The following PREX2 variants were observed in gnomAD, a reference collection of about 807,000 sequenced individuals.
PREX2 encodes the protein phosphatidylinositol-3,4,5-trisphosphate dependent Rac exchange factor 2, also known as phosphatidylinositol 3,4,5-trisphosphate-dependent Rac exchanger 2 protein.
In PREX2, 107 loss-of-function variants were observed where a neutral mutation model predicts 203.2. The ratio of observed to expected loss-of-function variants is 0.53; its 90% CI spans 0.45 to 0.62. The LOEUF is 0.62. PREX2 is among the 20% of genes least tolerant of loss of function. The pLI, the probability that PREX2 is intolerant of heterozygous loss-of-function variation, is 0.00. For synonymous variants in PREX2, 672 were observed against 663.6 expected (o/e 1.01, Z -0.19); for missense variants, 1,777 against 1,955.9 (o/e 0.91, Z 1.72).
intron 12 of PREX2, 120 bp from the exon 13 acceptor site, chr8:68,069,715 G>T (rs1809136913): frequency 9.6e-6 from 5 of 519,278 alleles, no homozygotes; most frequent in South Asian, 3.5e-5. Context: ...TTTTTAAATT[G>T]GTTTAGATTT....
intron 35 of PREX2, among the ~76,000 whole-genome samples, chr8:68,159,616 T>A (rs1563569867): frequency 6.6e-6 from 1 of 152,174 alleles, no homozygotes; most frequent in East Asian, 1.9e-4. Context: ...AGAAACCTTA[T>A]AAAGGAATTG....
intron 11 of PREX2, among the ~76,000 whole-genome samples, chr8:68,063,853 T>G (rs1808937313): frequency 1.3e-5 from 2 of 152,172 alleles, no homozygotes. Flanking sequence ...ATAATTCTAT[T>G]AGAATGAAGA....
intron 39 of PREX2, among the ~76,000 whole-genome samples, chr8:68,227,596 C>A (rs12549887): frequency 0.26 from 39,869 of 152,046 alleles, 5,899 homozygotes; most frequent in South Asian, 0.46. Context: ...AAATCAATTT[C>A]GTTACCACAA....
At chr8:67,957,806 C>A (rs1158084834) in intron 1 of PREX2, among the ~76,000 whole-genome samples, 1 of 152,168 alleles carries the variant, frequency 6.6e-6, no homozygotes, top group Non-Finnish European at 1.5e-5. Context: ...TGTTTCCCTC[C>A]TCAGGAGTCA....
rs1207275744 is a variant in PREX2 at position 68,236,529 on chromosome 8, A to G, written c.*5151A>G. On this transcript the variant is annotated 3_prime_UTR_variant, in exon 40 of 40. Coordinates refer to ENST00000288368, the MANE Select transcript of PREX2 (RefSeq NM_024870.4). The stretch of plus-strand genomic sequence containing the variant: ...AATATCATATATACAAATATACTGT[A>G]TGTAGCCAAGAACACTAAATTGGTA... 6.6e-6 allele frequency: 1 copy of G among 152,176 alleles called. No individual in the cohort carries two copies. Among genetic ancestry groups the G allele is most frequent in the Non-Finnish European group, 1.5e-5 (1 of 68,016 alleles). The allele number at this position is 152,176 out of a possible 1,614,324, so 9.4% of individuals were successfully genotyped here. A position where few individuals can be genotyped will look rare whatever the true frequency, so the allele number is the denominator to read the frequency against.
Position 68,027,292 on chromosome 8 carries a change from A to C in PREX2, c.512A>C (p.Gln171Pro). 1 of 1,610,044 alleles carries C rather than the reference A, an allele frequency of 6.2e-7. No homozygotes were observed. The highest frequency in any genetic ancestry group is 2.2e-5 in the East Asian group (1 of 44,818). The change falls in exon 5 of 40, where the codon CAA becomes CCA. Residue 171 changes from glutamine to proline, a missense_variant. By Grantham distance (76) the Gln-to-Pro change is moderately conservative. Coordinates refer to ENST00000288368, the MANE Select transcript of PREX2 (RefSeq NM_024870.4). ...PLEGYLVTPI[Q>P]RICKYPLILK... is the part of the protein sequence containing the mutation. The stretch of plus-strand genomic sequence containing the variant: ...GAAGGATATTTAGTAACACCAATAC[A>C]AAGAATATGCAAGTACCCTCTTATT...
chr8:68,122,495 A>G (rs1037587459), intron 30 of PREX2, among the ~76,000 whole-genome samples: 8 of 152,096 alleles, frequency 5.3e-5, no homozygotes, highest in Non-Finnish European at 1.0e-4. Context: ...AAATTTAAGT[A>G]TATACTTTAC....
Position 68,215,367 on chromosome 8 carries a change from A to AT in PREX2, c.4605-2239dup, listed in dbSNP as rs200289098. On this transcript the variant is annotated intron_variant, in intron 37 of 39. Coordinates refer to ENST00000288368, the MANE Select transcript of PREX2 (RefSeq NM_024870.4). ...TCAGCATGATTAGAAACAGATAAAG[A>AT]TTTTTTTTTTCCTCCCCTTGGCTTC... Among the ~76,000 whole-genome samples the AT allele has an allele frequency of 6.5e-4, 98 of 150,504 alleles. No individual in the cohort carries two copies. The Middle Eastern group carries it at 0.014, about 21-fold the overall frequency.
intron 27 of PREX2, among the ~76,000 whole-genome samples, chr8:68,119,101 G>T (rs895694589): frequency 6.6e-6 from 1 of 152,152 alleles, no homozygotes; most frequent in Non-Finnish European, 1.5e-5. Context: ...TATCTTGTGT[G>T]TGTTAAGAAC....
Position 68,099,908 on chromosome 8 carries a change from A to T in PREX2, c.2715+65A>T, listed in dbSNP as rs1261265083. Reference sequence around the variant, plus strand: ...ATTATTATTTGAATGTCAAATTTAAATCAATTTTTGATATTTTCTTTACAT... The same window carrying T: ...ATTATTATTTGAATGTCAAATTTAATTCAATTTTTGATATTTTCTTTACAT... On this transcript the variant is annotated intron_variant, in intron 23 of 39. Coordinates refer to ENST00000288368, the MANE Select transcript of PREX2 (RefSeq NM_024870.4). The T allele has an allele frequency of 2.9e-6, 4 of 1,357,288 alleles. No individual in the cohort carries two copies. In the Admixed American group the frequency reaches 6.8e-5, roughly 23 times the overall value. 84.1% of individuals were successfully genotyped at this position (1,357,288 alleles called of 1,614,324 possible). A position where few individuals can be genotyped will look rare whatever the true frequency, so the allele number is the denominator to read the frequency against.
chr8:68,174,594 T>G (rs1255231815), intron 35 of PREX2, among the ~76,000 whole-genome samples: 1 of 152,190 alleles, frequency 6.6e-6, no homozygotes, highest in Admixed American at 6.6e-5. Flanking sequence ...ACTGAGGTCT[T>G]CCTACTCCCC....
intron 1 of PREX2, among the ~76,000 whole-genome samples, chr8:68,006,932 A>G (rs1006585382): frequency 2.5e-4 from 38 of 152,296 alleles, no homozygotes; most frequent in African/African-American, 7.7e-4. Context: ...TATTTTTTTG[A>G]TGGTTAATTT....
intron 35 of PREX2, among the ~76,000 whole-genome samples, chr8:68,182,770 G>T (rs1460831010): frequency 2.0e-5 from 3 of 151,886 alleles, no homozygotes; most frequent in African/African-American, 7.2e-5. Context: ...TTTAAAAAAT[G>T]GGTCTCTGCC....
chr8:68,118,381 A>G (rs1034123129), intron 26 of PREX2, among the ~76,000 whole-genome samples, 169 bp from the exon 27 acceptor site: 3 of 151,916 alleles, frequency 2.0e-5, no homozygotes, highest in Non-Finnish European at 4.4e-5. Flanking sequence ...GACAGAAAAT[A>G]TGCCGTCTTT....
chr8:67,985,267 G>A (rs1351822724), intron 1 of PREX2, among the ~76,000 whole-genome samples: 12 of 152,172 alleles, frequency 7.9e-5, no homozygotes, highest in Non-Finnish European at 7.3e-5. Flanking sequence ...TTAGAGGGAT[G>A]AGAATAAAGG....
intron 1 of PREX2, among the ~76,000 whole-genome samples, chr8:67,964,123 C>T (rs1282872855): frequency 6.6e-6 from 1 of 152,314 alleles, no homozygotes; most frequent in East Asian, 1.9e-4. Context: ...ATGGTTGAAG[C>T]TGACTTACCA....
intron 32 of PREX2, 138 bp downstream of exon 32, chr8:68,134,414 A>G (rs987285223): frequency 3.1e-5 from 21 of 667,130 alleles, no homozygotes; most frequent in Non-Finnish European, 4.6e-5. Flanking sequence ...TTAAAAATAT[A>G]CATTTTTCTG....
chr8:67,994,009 G>A (rs1806688337), intron 1 of PREX2, among the ~76,000 whole-genome samples: 1 of 152,152 alleles, frequency 6.6e-6, no homozygotes, highest in Non-Finnish European at 1.5e-5. Flanking sequence ...AATAATTGGA[G>A]CAACTATAGG....
intron 35 of PREX2, among the ~76,000 whole-genome samples, chr8:68,173,014 C>A (rs991976486): frequency 1.2e-4 from 18 of 152,148 alleles, no homozygotes; most frequent in African/African-American, 4.3e-4. Context: ...TTCTTTAAAA[C>A]CTAATAACCT....
Sources: allele counts gnomAD v4.1 joint callset (sites outside exome capture counted in the v4.1 genomes callset), GRCh38; gene constraint gnomAD v4.1.1; transcripts MANE v1.5; gene names NCBI Gene and HGNC (gene_info 2026-07-23, HGNC 2026-07-21).